The following BCL6 variants were observed in gnomAD, a reference collection of about 807,000 sequenced individuals.
BCL6 encodes B-cell lymphoma 6 protein.
A neutral mutation model predicts 59.5 loss-of-function variants in BCL6; 7 were observed. The ratio of observed to expected loss-of-function variants is 0.12; its 90% confidence interval spans 0.07 to 0.22. The LOEUF (loss-of-function observed/expected upper bound fraction) is 0.22. Among genes scored for constraint, BCL6 ranks in the 10% least tolerant of loss-of-function variants. BCL6 has a pLI of 1.00. For missense variants in BCL6, 685 were observed against 939.4 expected, an observed-to-expected ratio of 0.73 and a Z score of 3.54; for synonymous variants, 339 against 349.7, an observed-to-expected ratio of 0.97 and a Z score of 0.34.
intron 1 of BCL6, among the ~76,000 whole-genome samples, chr3:187,741,827 A>G (rs1369561349): frequency 5.9e-5 from 9 of 152,162 alleles, no homozygotes; most frequent in African/African-American, 1.9e-4. Context: ...TCCAGCCACT[A>G]TGGTGTTTTA....
chr3:187,726,652 C>T (rs1718711546), intron 7 of BCL6, 79 bp downstream of exon 7: 1 of 1,556,794 alleles, frequency 6.4e-7, no homozygotes, highest in Non-Finnish European at 8.7e-7. Context: ...CCAGGCCCCA[C>T]ACAGCTTTCT....
chr3:187,735,120 C>G (rs558890331), intron 1 of BCL6, among the ~76,000 whole-genome samples: 31 of 152,256 alleles, frequency 2.0e-4, no homozygotes, highest in African/African-American at 7.2e-4. Context: ...ATGTTTTTAT[C>G]CAGAGTACTG....
Position 187,721,903 on chromosome 3 carries a change from T to C in BCL6, c.*555A>G, listed in dbSNP as rs1265966456. 4.9e-6 allele frequency: 1 copy of C among 205,538 alleles called. No homozygotes were observed. The highest frequency in any genetic ancestry group is 9.9e-6 in the Non-Finnish European group (1 of 101,252). The allele number at this position is 205,538 out of a possible 1,614,324, so 12.7% of individuals were successfully genotyped here. A position where few individuals can be genotyped will look rare whatever the true frequency, so the allele number is the denominator to read the frequency against. On this transcript the variant is annotated 3_prime_UTR_variant, in exon 10 of 10. Transcript: ENST00000406870. This position sits in a 1 kb window ranked among gnomAD's most constrained non-coding sequence, Gnocchi z 4.2. Reference sequence around the variant, plus strand: ...CTGCCTGCAGATACAAAATCGAGCCTTTAACGCAGTTTTATATTTTTAATA... The same window carrying C: ...CTGCCTGCAGATACAAAATCGAGCCCTTAACGCAGTTTTATATTTTTAATA...
intron 4 of BCL6, 42 bp downstream of exon 4, chr3:187,731,667 A>G: frequency 6.3e-7 from 1 of 1,588,164 alleles, no homozygotes; most frequent in Non-Finnish European, 8.6e-7. Context: ...ATCGGGGACT[A>G]TCTCTTCCAT....
At chr3:187,730,944 G>A (rs1320832153) in intron 4 of BCL6, among the ~76,000 whole-genome samples, 3 of 152,188 alleles carry the variant, frequency 2.0e-5, no homozygotes, top group Admixed American at 2.0e-4. Flanking sequence ...GGCTCCTGGA[G>A]GTTTTCAAAC....
chr3:187,744,345 T>G (rs1711769998), intron 1 of BCL6, among the ~76,000 whole-genome samples: 2 of 147,896 alleles, frequency 1.4e-5, no homozygotes, highest in African/African-American at 4.9e-5. Context: ...AGAAGCCCTG[T>G]CCCGCCATCA....
intron 4 of BCL6, among the ~76,000 whole-genome samples, chr3:187,731,363 C>T (rs898331790): frequency 1.3e-5 from 2 of 152,050 alleles, no homozygotes; most frequent in Admixed American, 1.3e-4. Context: ...AAATGCTTCA[C>T]AACACAGAGG....
At chr3:187,724,699 C>T in intron 9 of BCL6, 1 of 540,236 alleles carries the variant, frequency 1.9e-6, no homozygotes, top group Non-Finnish European at 3.3e-6. Context: ...TCACCTAGTC[C>T]CATACCCTCA....
chr3:187,743,132 A>T (rs1711674012), intron 1 of BCL6, among the ~76,000 whole-genome samples: 1 of 152,076 alleles, frequency 6.6e-6, no homozygotes. Flanking sequence ...CACAAACTGT[A>T]TTTCTAAACA....
At position 187,726,086 on chromosome 3, in the gene BCL6, A is replaced by T. The variant is rs147799684; in HGVS notation, c.1709-457T>A. On this transcript the variant is annotated intron_variant, in intron 7 of 9. Coordinates refer to ENST00000406870, the MANE Select transcript of BCL6 (RefSeq NM_001706.5). ...TCCCTTGGATAAGACAGATTCACTC[A>T]TCAACTCATTCACCAGGGAGACACA... 3.2e-4 allele frequency among the ~76,000 whole-genome samples: 48 copies of T among 152,300 alleles called. 1 individual carries two copies. Among genetic ancestry groups the T allele is most frequent in the African/African-American group, 1.1e-3 (46 of 41,566 alleles).
chr3:187,728,636 A>C, intron 5 of BCL6, 92 bp from the exon 6 acceptor site: 1 of 1,294,600 alleles, frequency 7.7e-7, no homozygotes, highest in Non-Finnish European at 1.0e-6. Flanking sequence ...CAGAGGCCAG[A>C]GCTGGGCTGC....
chr3:187,727,241 A>C (rs758963104), intron 6 of BCL6, among the ~76,000 whole-genome samples: 108 of 152,348 alleles, frequency 7.1e-4, no homozygotes, highest in Admixed American at 3.6e-3. Context: ...TTTTAAAAAT[A>C]AGTTTACAGT....
Position 187,731,726 on chromosome 3 carries a change from C to G in BCL6, c.366G>C (p.Arg122=). 6.2e-7 allele frequency: 1 copy of G among 1,614,118 alleles called. No homozygotes were observed. Among genetic ancestry groups the G allele is most frequent in the Non-Finnish European group, 8.5e-7 (1 of 1,180,048 alleles). The stretch of plus-strand genomic sequence containing the variant: ...CAACTCACCTGGCCTTAATAAACTT[C>G]CGGCAAGTGTCCACAACATGCTCCA... The part of the protein sequence containing the change: ...LQMEHVVDTC[R]KFIKASEAEM... The change falls in exon 4 of 10, where the codon CGG becomes CGC. Residue 122 remains arginine (R), a synonymous_variant. Coordinates refer to ENST00000406870, the MANE Select transcript of BCL6 (RefSeq NM_001706.5).
intron 1 of BCL6, among the ~76,000 whole-genome samples, chr3:187,744,844 G>A (rs1711829981): frequency 6.6e-6 from 1 of 152,138 alleles, no homozygotes; most frequent in East Asian, 1.9e-4. Flanking sequence ...GAGAAAAGAG[G>A]GAAAAAACAC....
In BCL6 at chr3:187,725,807, T is replaced by A. The variant is rs1054780519; in HGVS notation, c.1709-178A>T. ...CCTGCCCCCACATCTGTCAGCCCTC[T>A]CTCACACACGCACCTGCATACCTCG... On this transcript the variant is annotated intron_variant, in intron 7 of 9. Transcript: ENST00000406870. This position sits in a 1 kb window ranked among gnomAD's most constrained non-coding sequence, Gnocchi z 4.7. 2.0e-5 allele frequency among the ~76,000 whole-genome samples: 3 copies of A among 152,190 alleles called. No individual in the cohort carries two copies. The highest frequency in any genetic ancestry group is 2.9e-5 in the Non-Finnish European group (2 of 68,024).
intron 6 of BCL6, among the ~76,000 whole-genome samples, chr3:187,727,957 A>G (rs1333673917): frequency 6.6e-6 from 1 of 152,202 alleles, no homozygotes; most frequent in Admixed American, 6.5e-5. Context: ...GGGATGTGAG[A>G]ATGAATAAGG....
At position 187,728,517 on chromosome 3, in the gene BCL6, G is replaced by A. The variant is rs746508685; in HGVS notation, c.1383C>T (p.Ser461=). The stretch of plus-strand genomic sequence containing the variant: ...TGTAGAGTGGTGAGTGGCTCTCGCT[G>A]CTGCTGCGGGGAGAGCCCGTCATGG... The part of the protein sequence containing the change: ...NRSMTGSPRS[S]SESHSPLYMH... Residue 461 remains serine (S), a synonymous_variant, in exon 6 of 10, where the codon AGC becomes AGT. Coordinates refer to ENST00000406870, the MANE Select transcript of BCL6 (RefSeq NM_001706.5). The A allele has an allele frequency of 1.9e-6, 3 of 1,609,722 alleles. No homozygotes were observed. The highest frequency in any genetic ancestry group is 2.5e-6 in the Non-Finnish European group (3 of 1,179,024).
chr3:187,737,395 G>GAGAA (rs1254665083), intron 1 of BCL6: 6 of 127,538 alleles, frequency 4.7e-5, no homozygotes, highest in Non-Finnish European at 8.8e-5. Flanking sequence ...GAGAGAGAGA[G>GAGAA]AAAATGAGAG....
chr3:187,743,261 A>G (rs910357663), intron 1 of BCL6, among the ~76,000 whole-genome samples: 1 of 151,682 alleles, frequency 6.6e-6, no homozygotes, highest in Admixed American at 6.6e-5. Flanking sequence ...AAGCGTTACA[A>G]GACTTTCCTC....
Sources: allele counts gnomAD v4.1 joint callset (sites outside exome capture counted in the v4.1 genomes callset), GRCh38; gene constraint gnomAD v4.1.1; non-coding constraint Gnocchi (gnomAD v3.1); transcripts MANE v1.5; gene names NCBI Gene and HGNC (gene_info 2026-07-23, HGNC 2026-07-21).